Variants in MRPS28 observed in about 807,000 individuals in gnomAD.
MRPS28 encodes small ribosomal subunit protein bS1m.
MRPS28 carries 7 observed loss-of-function variants against 10.8 expected under a neutral mutation model. That is an observed-to-expected ratio of 0.65 (90% CI 0.37 to 1.22). MRPS28 has a LOEUF of 1.22. MRPS28 is among the 50% of genes most tolerant of loss of function. The probability of loss-of-function intolerance (pLI) is 0.02; values close to 1 mark genes in which losing one functional copy is unlikely to be tolerated. For missense variants in MRPS28, 265 were observed against 232.9 expected, an observed-to-expected ratio of 1.14 and a Z score of -0.90; for synonymous variants, 121 against 93.3, an observed-to-expected ratio of 1.30 and a Z score of -1.71.
At chr8:80,007,202 C>T (rs1193305239) in intron 1 of MRPS28, among the ~76,000 whole-genome samples, 2 of 152,232 alleles carry the variant, frequency 1.3e-5, no homozygotes, top group African/African-American at 4.8e-5. Flanking sequence ...GCAGAAAAGG[C>T]CTTTGACAAA....
At chr8:79,985,637 A>G (rs1808134357) in intron 2 of MRPS28, among the ~76,000 whole-genome samples, 1 of 152,254 alleles carries the variant, frequency 6.6e-6, no homozygotes, top group Admixed American at 6.5e-5. Flanking sequence ...ATCAGAGAAT[A>G]CTATAAACAC....
At chr8:79,941,828 G>A (rs997376934) in intron 2 of MRPS28, among the ~76,000 whole-genome samples, 1 of 152,178 alleles carries the variant, frequency 6.6e-6, no homozygotes, top group African/African-American at 2.4e-5. Context: ...ATTTTCCACT[G>A]CAGTATCCAT....
chr8:80,016,921 C>G (rs1039566693), intron 1 of MRPS28, among the ~76,000 whole-genome samples: 6 of 152,110 alleles, frequency 3.9e-5, no homozygotes, highest in African/African-American at 7.2e-5. Flanking sequence ...CAGGATATAG[C>G]TGAACTCAAC....
chr8:80,015,674 C>A (rs10112519), intron 1 of MRPS28, among the ~76,000 whole-genome samples: 1 of 152,022 alleles, frequency 6.6e-6, no homozygotes, highest in Non-Finnish European at 1.5e-5. Flanking sequence ...GCAAAAAACA[C>A]AGTTTGAAGA....
intron 2 of MRPS28, among the ~76,000 whole-genome samples, chr8:79,959,976 A>T (rs1399316022): frequency 6.6e-6 from 1 of 152,146 alleles, no homozygotes; most frequent in Non-Finnish European, 1.5e-5. Flanking sequence ...TCTCCCACGG[A>T]TTATTCCCAA....
At chr8:79,923,448 A>G (rs2129854999) in intron 2 of MRPS28, among the ~76,000 whole-genome samples, 1 of 152,310 alleles carries the variant, frequency 6.6e-6, no homozygotes, top group Middle Eastern at 3.4e-3. Context: ...TCAACTCATT[A>G]TTTTAATATT....
intron 2 of MRPS28, among the ~76,000 whole-genome samples, chr8:79,938,583 C>T (rs1052884954): frequency 6.6e-6 from 1 of 151,824 alleles, no homozygotes; most frequent in African/African-American, 2.4e-5. Flanking sequence ...GATTAAAAAA[C>T]AACAACAACA....
At chr8:79,987,821 G>A (rs565835146) in intron 2 of MRPS28, among the ~76,000 whole-genome samples, 6 of 152,106 alleles carry the variant, frequency 3.9e-5, no homozygotes, top group South Asian at 2.1e-4. Flanking sequence ...ACTTTTACAC[G>A]GTTGGTGGGA....
chr8:80,006,829 T>C (rs1165016707), intron 1 of MRPS28, among the ~76,000 whole-genome samples: 1 of 152,212 alleles, frequency 6.6e-6, no homozygotes, highest in Non-Finnish European at 1.5e-5. Flanking sequence ...CACAGCTGAA[T>C]TCTACCAGAG....
chr8:80,007,582 T>C (rs1381751509), intron 1 of MRPS28, among the ~76,000 whole-genome samples: 1 of 152,180 alleles, frequency 6.6e-6, no homozygotes, highest in African/African-American at 2.4e-5. Flanking sequence ...AGTCTCAGGA[T>C]ACAAAATCAA....
intron 2 of MRPS28, chr8:79,958,239 A>C (rs1807279362): frequency 1.7e-6 from 1 of 582,648 alleles, no homozygotes; most frequent in Non-Finnish European, 3.0e-6. Flanking sequence ...TGAACATTTC[A>C]TATAAATGGA....
intron 2 of MRPS28, among the ~76,000 whole-genome samples, chr8:79,985,130 A>G (rs1808114081): frequency 6.6e-6 from 1 of 152,162 alleles, no homozygotes; most frequent in South Asian, 2.1e-4. Context: ...CTCACTCAAA[A>G]CCGCTCAACT....
intron 2 of MRPS28, among the ~76,000 whole-genome samples, chr8:79,991,636 T>C (rs960195749): frequency 6.6e-6 from 1 of 152,220 alleles, no homozygotes; most frequent in African/African-American, 2.4e-5. Flanking sequence ...CAGAGAAAGA[T>C]GTTTCCATTT....
chr8:79,986,891 C>T (rs1296780447), intron 2 of MRPS28, among the ~76,000 whole-genome samples: 1 of 152,132 alleles, frequency 6.6e-6, no homozygotes, highest in African/African-American at 2.4e-5. Context: ...CATCAAGCTA[C>T]CGATGACTTT....
intron 2 of MRPS28, among the ~76,000 whole-genome samples, chr8:79,927,619 C>G (rs1395964458): frequency 6.6e-6 from 1 of 152,064 alleles, no homozygotes; most frequent in Non-Finnish European, 1.5e-5. Flanking sequence ...AAGAGGATAC[C>G]AACAACAATT....
At chr8:80,021,630 G>A (rs999937011) in intron 1 of MRPS28, among the ~76,000 whole-genome samples, 2 of 152,084 alleles carry the variant, frequency 1.3e-5, no homozygotes, top group Non-Finnish European at 2.9e-5. Context: ...AACTATTCTT[G>A]GATTTTTCTG....
At chr8:79,961,433 A>T (rs776565701) in intron 2 of MRPS28, among the ~76,000 whole-genome samples, 10 of 152,118 alleles carry the variant, frequency 6.6e-5, no homozygotes, top group Non-Finnish European at 1.0e-4. Context: ...GATAGGAATC[A>T]TTTTTCAGCT....
intron 2 of MRPS28, among the ~76,000 whole-genome samples, chr8:79,953,310 C>A (rs1368535675): frequency 1.3e-5 from 2 of 152,144 alleles, no homozygotes; most frequent in African/African-American, 4.8e-5. Flanking sequence ...CTGTCAAAGG[C>A]AGAGGGTTCT....
At chr8:80,016,477 G>C (rs1809198701) in intron 1 of MRPS28, among the ~76,000 whole-genome samples, 1 of 151,346 alleles carries the variant, frequency 6.6e-6, no homozygotes. Context: ...AAATGAAGGA[G>C]AATTAAAGAC....
Sources: allele counts gnomAD v4.1 joint callset (sites outside exome capture counted in the v4.1 genomes callset), GRCh38; gene constraint gnomAD v4.1.1; transcripts MANE v1.5; gene names NCBI Gene and HGNC (gene_info 2026-07-23, HGNC 2026-07-21).